ITGA9: variants seen among roughly 807,000 people sequenced by gnomAD.
The protein encoded by ITGA9 is integrin subunit alpha 9, also known as integrin alpha-9.
Under a neutral mutation model 127.8 loss-of-function variants are expected in ITGA9, and 56 were observed. The observed-to-expected ratio is 0.44, with a 90% CI of 0.35 to 0.55. The LOEUF (loss-of-function observed/expected upper bound fraction) is 0.55. Ranked by LOEUF, ITGA9 falls within the 20% of genes least tolerant of loss-of-function variation. The pLI is 0.00. For missense variants in ITGA9, 1,196 were observed against 1,347.1 expected, an observed-to-expected ratio of 0.89 and a Z score of 1.76; for synonymous variants, 508 against 514.5, an observed-to-expected ratio of 0.99 and a Z score of 0.17.
At chr3:37,746,706 G>T (rs1054090632) in intron 22 of ITGA9, among the ~76,000 whole-genome samples, 8 of 152,094 alleles carry the variant, frequency 5.3e-5, no homozygotes, top group Admixed American at 1.3e-4. Flanking sequence ...TTTCAGCTAT[G>T]GTCAGATATT....
At position 37,452,419 on chromosome 3, in the gene ITGA9, G is replaced by T. The variant is rs1360627780; in HGVS notation, c.45G>T (p.Ala15=). ...AAPRGAGRLR[A]LLLALVVAGI... ...CGAGGGGCGCCGGGAGGCTCCGCGCGCTGCTGCTGGCGCTGGTGGTCGCGG... is the reference window on the plus strand; with the variant it reads ...CGAGGGGCGCCGGGAGGCTCCGCGCTCTGCTGCTGGCGCTGGTGGTCGCGG... Residue 15 remains alanine (A), a synonymous_variant, in exon 1 of 28, where the codon GCG becomes GCT. Transcript: ENST00000264741. The surrounding 1 kb of genome is among the most constrained non-coding windows in gnomAD (Gnocchi z 7.3). The T allele has an allele frequency of 2.1e-6, 3 of 1,447,188 alleles. No homozygotes were observed. The highest frequency in any genetic ancestry group is 1.5e-5 in the African/African-American group (1 of 67,040). 89.6% of individuals were successfully genotyped at this position (1,447,188 alleles called of 1,614,324 possible). A position where few individuals can be genotyped will look rare whatever the true frequency, so the allele number is the denominator to read the frequency against.
intron 9 of ITGA9, among the ~76,000 whole-genome samples, chr3:37,516,717 T>G (rs958115935): frequency 2.0e-5 from 3 of 152,150 alleles, no homozygotes; most frequent in Non-Finnish European, 2.9e-5. Flanking sequence ...CTGTAGGATA[T>G]AGTGGGCCCA....
chr3:37,537,569 A>T (rs1699222228), intron 14 of ITGA9, among the ~76,000 whole-genome samples: 1 of 152,228 alleles, frequency 6.6e-6, no homozygotes, highest in South Asian at 2.1e-4. Flanking sequence ...ATAATAATTA[A>T]GGTCCTACAG....
At position 37,775,614 on chromosome 3, in the gene ITGA9, C is replaced by T. The variant is rs188094873; in HGVS notation, c.2542-1778C>T. On this transcript the variant is annotated intron_variant, in intron 23 of 27. Coordinates refer to ENST00000264741, the MANE Select transcript of ITGA9 (RefSeq NM_002207.3). ...TGAGCCAAGATCGCGCCACTGCACT[C>T]CAGCCTGGGCAACAGTGAGCGACTC... is the stretch of plus-strand genomic sequence containing the variant. Among the ~76,000 whole-genome samples the T allele has an allele frequency of 6.4e-3, 962 of 150,346 alleles. 8 individuals carry two copies. The highest frequency in any genetic ancestry group is 0.031 in the Middle Eastern group (9 of 294).
chr3:37,622,552 T>G (rs1392620021), intron 15 of ITGA9, among the ~76,000 whole-genome samples: 1 of 152,052 alleles, frequency 6.6e-6, no homozygotes, highest in Non-Finnish European at 1.5e-5. Context: ...TTTAAAAAAT[T>G]GTATTAAAGG....
chr3:37,706,452 C>T (rs893844225), intron 18 of ITGA9, among the ~76,000 whole-genome samples: 1 of 152,120 alleles, frequency 6.6e-6, no homozygotes, highest in Non-Finnish European at 1.5e-5. Flanking sequence ...AGTAGCGCCC[C>T]AGAAAGTAAG....
intron 18 of ITGA9, among the ~76,000 whole-genome samples, chr3:37,712,586 G>A (rs1413312075): frequency 6.6e-6 from 1 of 152,190 alleles, no homozygotes; most frequent in Admixed American, 6.5e-5. Context: ...ACAGCTTCTG[G>A]TTGGACCTCT....
chr3:37,797,375 G>A (rs988346672), intron 26 of ITGA9, among the ~76,000 whole-genome samples: 9 of 151,940 alleles, frequency 5.9e-5, no homozygotes, highest in African/African-American at 2.2e-4. Flanking sequence ...AAACAAATGG[G>A]GGCTGAGTAG....
intron 15 of ITGA9, among the ~76,000 whole-genome samples, chr3:37,608,229 C>T (rs928270312): frequency 6.6e-6 from 1 of 152,162 alleles, no homozygotes; most frequent in Non-Finnish European, 1.5e-5. Flanking sequence ...CTTATAAAAA[C>T]CTCAAACATT....
intron 26 of ITGA9, among the ~76,000 whole-genome samples, chr3:37,788,268 T>C (rs1697065062): frequency 6.6e-6 from 1 of 152,088 alleles, no homozygotes; most frequent in Admixed American, 6.6e-5. Context: ...CAATTCACAC[T>C]TTTTTCCTTC....
In ITGA9 at chr3:37,517,483, CT is replaced by C. The variant is rs1308057885; in HGVS notation, c.1036-20del. The stretch of plus-strand genomic sequence containing the variant: ...TTGTTTTTGTTTTGTTTTCCATTTT[CT>C]CCTCCATCCTGTTTCCCAGGGAGCC... On this transcript the variant is annotated intron_variant, in intron 9 of 27. Coordinates refer to ENST00000264741, the MANE Select transcript of ITGA9 (RefSeq NM_002207.3). 1 of 1,519,904 alleles carries C rather than the reference CT, an allele frequency of 6.6e-7. No homozygotes were observed. Among genetic ancestry groups the C allele is most frequent in the Non-Finnish European group, 9.0e-7 (1 of 1,113,478 alleles). 94.2% of individuals were successfully genotyped at this position (1,519,904 alleles called of 1,614,324 possible). A position where few individuals can be genotyped will look rare whatever the true frequency, so the allele number is the denominator to read the frequency against.
intron 26 of ITGA9, chr3:37,789,967 T>G: frequency 1.4e-6 from 1 of 695,372 alleles, no homozygotes; most frequent in East Asian, 4.4e-5. Flanking sequence ...GATTTTGACT[T>G]CAAAAGTAAC....
intron 4 of ITGA9, among the ~76,000 whole-genome samples, chr3:37,481,919 G>T (rs777400621): frequency 6.6e-6 from 1 of 152,218 alleles, no homozygotes; most frequent in Non-Finnish European, 1.5e-5. Flanking sequence ...TGACCTAACA[G>T]CTGCCTTGGT....
chr3:37,459,084 C>T (rs1170740195), intron 1 of ITGA9, among the ~76,000 whole-genome samples: 1 of 152,196 alleles, frequency 6.6e-6, no homozygotes, highest in Non-Finnish European at 1.5e-5. Flanking sequence ...CTTGGTCCAC[C>T]AATGTCTGTT....
At chr3:37,497,215 C>G (rs904667937) in intron 5 of ITGA9, among the ~76,000 whole-genome samples, 1 of 152,070 alleles carries the variant, frequency 6.6e-6, no homozygotes, top group South Asian at 2.1e-4. Flanking sequence ...TAATCTCTTA[C>G]CTGATCTATG....
chr3:37,528,076 C>T (rs918658466), intron 13 of ITGA9, among the ~76,000 whole-genome samples: 15 of 152,202 alleles, frequency 9.9e-5, no homozygotes, highest in Non-Finnish European at 1.6e-4. Flanking sequence ...TGAGCCATTG[C>T]GCCTGACCCA....
intron 26 of ITGA9, among the ~76,000 whole-genome samples, chr3:37,796,116 C>T (rs1697170652): frequency 6.6e-6 from 1 of 152,110 alleles, no homozygotes; most frequent in African/African-American, 2.4e-5. Flanking sequence ...CTCACCCTTG[C>T]CAAGTTCACT....
intron 11 of ITGA9, among the ~76,000 whole-genome samples, chr3:37,522,887 C>T (rs2125582258): frequency 6.6e-6 from 1 of 152,186 alleles, no homozygotes; most frequent in African/African-American, 2.4e-5. Flanking sequence ...TTTTGATTTC[C>T]TACAGTTTAA....
chr3:37,571,902 C>T (rs1333420792), intron 15 of ITGA9, among the ~76,000 whole-genome samples: 1 of 151,768 alleles, frequency 6.6e-6, no homozygotes, highest in Non-Finnish European at 1.5e-5. Flanking sequence ...CCCTCAGTCT[C>T]AGAAATTCCA....
Sources: allele counts gnomAD v4.1 joint callset (sites outside exome capture counted in the v4.1 genomes callset), GRCh38; gene constraint gnomAD v4.1.1; non-coding constraint Gnocchi (gnomAD v3.1); transcripts MANE v1.5; gene names NCBI Gene and HGNC (gene_info 2026-07-23, HGNC 2026-07-21).